C10orf67: variants seen among roughly 807,000 people sequenced by gnomAD.
C10orf67 encodes the protein chromosome 10 open reading frame 67.
C10orf67 carries 60 observed loss-of-function variants against 35.6 expected under a neutral mutation model. The observed-to-expected ratio is 1.68, with a 90% CI of 1.37 to 2.09. The LOEUF is 2.09. Among genes scored for constraint, C10orf67 ranks in the 30% most tolerant of loss-of-function variants. The pLI is 0.00. For synonymous variants in C10orf67, 167 were observed against 115.8 expected (o/e 1.44, Z -2.84); for missense variants, 474 against 330.2 (o/e 1.44, Z -3.38).
At chr10:23,261,378 T>G (rs1199921031) in intron 10 of C10orf67, among the ~76,000 whole-genome samples, 1 of 152,216 alleles carries the variant, frequency 6.6e-6, no homozygotes, top group African/African-American at 2.4e-5. Flanking sequence ...AGTGGTGGGA[T>G]CATAGCTCAC....
At chr10:23,309,761 G>T (rs150709027) in intron 4 of C10orf67, among the ~76,000 whole-genome samples, 209 of 152,266 alleles carry the variant, frequency 1.4e-3, no homozygotes, top group African/African-American at 4.6e-3. Context: ...CCTTCTGGAT[G>T]GGCTCGGCCA....
intron 12 of C10orf67, among the ~76,000 whole-genome samples, chr10:23,243,155 C>T (rs922181030): frequency 5.3e-5 from 8 of 152,146 alleles, no homozygotes; most frequent in Admixed American, 5.2e-4. Context: ...AAGATGAGAT[C>T]AGTATCTAAA....
chr10:23,239,728 CA>C lies in C10orf67; in HGVS notation c.1434del (p.Val480Ter). The part of the protein sequence containing the change: ...AVLADTSFNY[I>X]KVKPLLVQSR... Reference sequence around the variant, plus strand: ...AGCATCTAAACATTACATGCACTTACAATATAATTGAAGGATGTGTCAGCAA... The same window carrying C: ...AGCATCTAAACATTACATGCACTTACATATAATTGAAGGATGTGTCAGCAA... On this transcript the variant is annotated frameshift_variant and splice_region_variant, in exon 13 of 16. Coordinates refer to ENST00000636213, the MANE Select transcript of C10orf67 (RefSeq NM_001371909.1). LOFTEE classifies it high-confidence loss of function. The C allele has an allele frequency of 4.6e-6, 3 of 652,358 alleles. No individual in the cohort carries two copies. The highest frequency in any genetic ancestry group is 8.9e-6 in the Non-Finnish European group (3 of 337,890). The allele number at this position is 652,358 out of a possible 1,614,324, so 40.4% of individuals were successfully genotyped here.
intron 10 of C10orf67, among the ~76,000 whole-genome samples, chr10:23,256,206 TC>T (rs1842596892): frequency 6.6e-6 from 1 of 152,066 alleles, no homozygotes; most frequent in African/African-American, 2.4e-5. Flanking sequence ...CTTGCTATGT[TC>T]CCCAGGCTGG....
chr10:23,290,091 C>CTTCA, intron 6 of C10orf67, 133 bp from the exon 7 acceptor site: 1 of 596,386 alleles, frequency 1.7e-6, no homozygotes, highest in Non-Finnish European at 3.0e-6. Context: ...GGACTGTGAC[C>CTTCA]TTCACAACTG....
chr10:23,242,701 C>T (rs983197725), intron 12 of C10orf67, among the ~76,000 whole-genome samples: 1 of 151,112 alleles, frequency 6.6e-6, no homozygotes, highest in Non-Finnish European at 1.5e-5. Context: ...TAAAACACTG[C>T]AATAAGCTAA....
intron 2 of C10orf67, among the ~76,000 whole-genome samples, chr10:23,328,993 C>CAAAAAAAAAAAAAAAAAAGAAAAA (rs1845310437): frequency 1.3e-5 from 1 of 78,732 alleles, no homozygotes; most frequent in African/African-American, 4.9e-5. Flanking sequence ...CATAAACGAA[C>CAAAAAAAAAAAAAAAAAAGAAAAA]AAAAAAAAAA....
intron 7 of C10orf67, among the ~76,000 whole-genome samples, chr10:23,284,534 A>T (rs576720512): frequency 6.7e-6 from 1 of 148,806 alleles, no homozygotes; most frequent in African/African-American, 2.5e-5. Context: ...AAAAAAAATT[A>T]AAAAAAAAAT....
At chr10:23,247,933 G>A (rs1185165933) in intron 12 of C10orf67, among the ~76,000 whole-genome samples, 2 of 152,116 alleles carry the variant, frequency 1.3e-5, no homozygotes, top group South Asian at 2.1e-4. Flanking sequence ...GCAGTGTAGA[G>A]TTTCTGTTTA....
chr10:23,244,834 A>T (rs1289215477), intron 12 of C10orf67, among the ~76,000 whole-genome samples: 1 of 152,220 alleles, frequency 6.6e-6, no homozygotes, highest in African/African-American at 2.4e-5. Context: ...TTTTTCACAG[A>T]AGTAGGAAAA....
chr10:23,260,856 A>G (rs1044412128), intron 10 of C10orf67, among the ~76,000 whole-genome samples: 12 of 152,236 alleles, frequency 7.9e-5, no homozygotes, highest in Admixed American at 2.0e-4. Context: ...TTGCATAAAA[A>G]TCTAAACCTT....
intron 10 of C10orf67, among the ~76,000 whole-genome samples, chr10:23,261,608 G>C (rs1842752664): frequency 6.6e-6 from 1 of 152,142 alleles, no homozygotes; most frequent in African/African-American, 2.4e-5. Flanking sequence ...AGCCACCCCT[G>C]GACTGTTTTA....
At chr10:23,223,881 C>T (rs768605610) in intron 13 of C10orf67, 63 bp from the exon 14 acceptor site, 26 of 704,342 alleles carry the variant, frequency 3.7e-5, no homozygotes, top group Non-Finnish European at 4.7e-5. Context: ...ATCAAATGGA[C>T]GTTAATGTTC....
intron 1 of C10orf67, among the ~76,000 whole-genome samples, chr10:23,340,093 G>A (rs1845822466): frequency 6.6e-6 from 1 of 152,054 alleles, no homozygotes; most frequent in Admixed American, 6.6e-5. Context: ...ACCTATCATG[G>A]GTGGTTTATG....
At chr10:23,208,404 A>G (rs1189987422) in intron 15 of C10orf67, among the ~76,000 whole-genome samples, 1 of 152,212 alleles carries the variant, frequency 6.6e-6, no homozygotes, top group Non-Finnish European at 1.5e-5. Flanking sequence ...CTTATGGGAA[A>G]AGTGGTTATT....
At chr10:23,235,825 T>C (rs1271155569) in intron 13 of C10orf67, among the ~76,000 whole-genome samples, 1 of 152,116 alleles carries the variant, frequency 6.6e-6, no homozygotes, top group East Asian at 1.9e-4. Flanking sequence ...ATTTAAAAAC[T>C]AACAATATTG....
At position 23,316,447 on chromosome 10, in the gene C10orf67, G is replaced by A. The variant is rs140581946; in HGVS notation, c.546+4294C>T. On this transcript the variant is annotated intron_variant, in intron 4 of 15. Coordinates refer to ENST00000636213, the MANE Select transcript of C10orf67 (RefSeq NM_001371909.1). ...CCCAAGGGCTGCAGCTCTTCTCTCC[G>A]TCTTGTTGCCTGCAGTGTGGTGAGC... Among the ~76,000 whole-genome samples the A allele has an allele frequency of 1.3e-3, 203 of 152,354 alleles. 1 individual carries two copies. The East Asian group carries it at 0.014, about 10-fold the overall frequency.
intron 2 of C10orf67, among the ~76,000 whole-genome samples, chr10:23,329,220 A>C (rs1335956995): frequency 1.3e-5 from 2 of 152,006 alleles, no homozygotes; most frequent in Non-Finnish European, 2.9e-5. Context: ...GGAGATATGC[A>C]GACAATATCA....
chr10:23,330,288 T>A (rs1013723199), intron 2 of C10orf67, among the ~76,000 whole-genome samples: 3 of 151,878 alleles, frequency 2.0e-5, no homozygotes, highest in Non-Finnish European at 4.4e-5. Flanking sequence ...TGAGACTCTG[T>A]CTCTACAAAA....
Sources: gnomAD v4.1 joint callset for allele counts (sites outside exome capture counted in the v4.1 genomes callset) on GRCh38, gnomAD v4.1.1 for gene constraint, MANE v1.5 for transcripts, NCBI Gene and HGNC (gene_info 2026-07-23, HGNC 2026-07-21) for gene names.